WWC1: variants seen among roughly 807,000 people sequenced by gnomAD.
WWC1 encodes WW and C2 domain containing 1, also known as protein KIBRA.
Under a neutral mutation model 138.4 loss-of-function variants are expected in WWC1, and 55 were observed. The observed-to-expected ratio is 0.40, with a 90% CI of 0.32 to 0.50. The LOEUF is 0.50. WWC1 is among the 20% of genes least tolerant of loss of function. The pLI, the probability that WWC1 is intolerant of heterozygous loss-of-function variation, is 0.72. For synonymous variants in WWC1, 524 were observed against 564.9 expected, an observed-to-expected ratio of 0.93 and a Z score of 1.03; for missense variants, 1,226 against 1,420.4, an observed-to-expected ratio of 0.86 and a Z score of 2.20.
intron 19 of WWC1, among the ~76,000 whole-genome samples, chr5:168,455,922 A>C (rs957028072): frequency 6.6e-6 from 1 of 151,830 alleles, no homozygotes; most frequent in African/African-American, 2.4e-5. Flanking sequence ...ATCTGGTACC[A>C]GTTTGTTTTG....
Position 168,371,530 on chromosome 5 carries a change from A to G in WWC1, c.226A>G (p.Thr76Ala), listed in dbSNP as rs151162957. 3 of 1,612,246 alleles carry G rather than the reference A, an allele frequency of 1.9e-6. No homozygotes were observed. The African/African-American group carries it at 4.0e-5, about 22-fold the overall frequency. Residue 76 changes from threonine to alanine, a missense_variant, in exon 2 of 23, where the codon ACC (threonine) becomes GCC (alanine). This residue lies in a region of WWC1 where 1,016 missense variants were observed against 1,153.9 expected (regional missense o/e 0.88). Coordinates refer to ENST00000265293, the MANE Select transcript of WWC1 (RefSeq NM_015238.3). ...TGGAGATTACTTCATAGACCACAAC[A>G]CCAGTAAGTTCCCGACGGTCCTCCC... ...QVGDYFIDHN[T>A]KTTQIEDPRV... is the part of the protein sequence containing the mutation.
chr5:168,312,229 A>G (rs1251067892), intron 1 of WWC1, among the ~76,000 whole-genome samples: 1 of 149,444 alleles, frequency 6.7e-6, no homozygotes, highest in Non-Finnish European at 1.5e-5. Context: ...AAAAAAAAAA[A>G]GGAACAATAA....
intron 1 of WWC1, among the ~76,000 whole-genome samples, chr5:168,317,146 G>A (rs987464715): frequency 6.6e-6 from 1 of 152,078 alleles, no homozygotes; most frequent in Non-Finnish European, 1.5e-5. Flanking sequence ...GGAACTTACC[G>A]AGGTCACACA....
intron 1 of WWC1, among the ~76,000 whole-genome samples, chr5:168,294,937 G>T (rs115537101): frequency 0.02 from 2,993 of 152,222 alleles, 89 homozygotes; most frequent in African/African-American, 0.067. Context: ...TGGGTCACTG[G>T]TTTATAAACT....
At chr5:168,467,279 C>T (rs1055026476) in intron 21 of WWC1, among the ~76,000 whole-genome samples, 1 of 152,062 alleles carries the variant, frequency 6.6e-6, no homozygotes, top group African/African-American at 2.4e-5. Context: ...ACAAAAAAAA[C>T]GATGGCTTTA....
At chr5:168,377,912 G>A (rs1215161962) in intron 2 of WWC1, among the ~76,000 whole-genome samples, 2 of 152,178 alleles carry the variant, frequency 1.3e-5, no homozygotes, top group African/African-American at 4.8e-5. Context: ...CAACCCAGCA[G>A]TCCTATTACT....
At chr5:168,299,626 A>G (rs1468366232) in intron 1 of WWC1, among the ~76,000 whole-genome samples, 1 of 152,054 alleles carries the variant, frequency 6.6e-6, no homozygotes, top group Non-Finnish European at 1.5e-5. Flanking sequence ...CCAATTTTCC[A>G]ATTCCCTGGG....
chr5:168,379,008 T>A (rs1295648406), intron 2 of WWC1, among the ~76,000 whole-genome samples: 1 of 152,090 alleles, frequency 6.6e-6, no homozygotes, highest in Admixed American at 6.6e-5. Context: ...CCATGTGTGC[T>A]GTGTGGAGAA....
chr5:168,433,200 G>A (rs762036022), intron 15 of WWC1, among the ~76,000 whole-genome samples: 2 of 152,244 alleles, frequency 1.3e-5, no homozygotes, highest in Non-Finnish European at 2.9e-5. Flanking sequence ...CGCTGAAGCA[G>A]CGCTTCAAAC....
At chr5:168,431,586 A>G (rs1042688911) in intron 15 of WWC1, 142 bp downstream of exon 15, 58 of 925,350 alleles carry the variant, frequency 6.3e-5, no homozygotes, top group Non-Finnish European at 7.6e-5. Context: ...TGTGCTATCA[A>G]TCAGGCTCAT....
chr5:168,344,315 G>A (rs192523480), intron 1 of WWC1, among the ~76,000 whole-genome samples: 1 of 152,304 alleles, frequency 6.6e-6, no homozygotes, highest in Non-Finnish European at 1.5e-5. Flanking sequence ...GCTTGAGAGA[G>A]TTGGGTAGCC....
chr5:168,394,075 A>C (rs1034978064), intron 3 of WWC1, among the ~76,000 whole-genome samples: 3 of 152,078 alleles, frequency 2.0e-5, no homozygotes, highest in African/African-American at 4.8e-5. Context: ...GATGACGGGG[A>C]GATGGGAGAG....
At chr5:168,293,747 C>T (rs940087180) in intron 1 of WWC1, among the ~76,000 whole-genome samples, 13 of 152,174 alleles carry the variant, frequency 8.5e-5, no homozygotes, top group African/African-American at 2.2e-4. Context: ...TTGGAAGGGA[C>T]GTACATCAGC....
At chr5:168,443,971 T>C (rs960424346) in intron 16 of WWC1, among the ~76,000 whole-genome samples, 4 of 152,204 alleles carry the variant, frequency 2.6e-5, no homozygotes, top group African/African-American at 9.6e-5. Flanking sequence ...TCAGAGAGTT[T>C]AAATAATTTC....
chr5:168,449,838 G>A (rs1189558096), intron 17 of WWC1, among the ~76,000 whole-genome samples: 2 of 152,072 alleles, frequency 1.3e-5, no homozygotes, highest in African/African-American at 2.4e-5. Flanking sequence ...GCCTCCCAAA[G>A]TGCTGGGATT....
At chr5:168,331,380 T>C (rs1451368403) in intron 1 of WWC1, among the ~76,000 whole-genome samples, 1 of 152,232 alleles carries the variant, frequency 6.6e-6, no homozygotes, top group Non-Finnish European at 1.5e-5. Context: ...GGTTTTGAAA[T>C]AGCTGCTTCT....
chr5:168,446,622 A>G (rs1015114975), intron 17 of WWC1, among the ~76,000 whole-genome samples: 16 of 152,342 alleles, frequency 1.1e-4, no homozygotes, highest in Admixed American at 1.0e-3. Context: ...GCAGAATGTG[A>G]CGAGCACCAC....
At chr5:168,462,540 G>C (rs1278647259) in intron 20 of WWC1, among the ~76,000 whole-genome samples, 2 of 152,230 alleles carry the variant, frequency 1.3e-5, no homozygotes, top group Non-Finnish European at 2.9e-5. Flanking sequence ...TTCTGGAGCA[G>C]ATGTTCATGG....
intron 3 of WWC1, among the ~76,000 whole-genome samples, chr5:168,394,503 A>G (rs1778743295): frequency 6.6e-6 from 1 of 152,160 alleles, no homozygotes; most frequent in Admixed American, 6.5e-5. Flanking sequence ...AGGCGGGTGG[A>G]CCACTTGAGG....
Sources: allele counts gnomAD v4.1 joint callset (sites outside exome capture counted in the v4.1 genomes callset), GRCh38; gene constraint gnomAD v4.1.1; regional missense constraint gnomAD v4.1.1; transcripts MANE v1.5; gene names NCBI Gene and HGNC (gene_info 2026-07-23, HGNC 2026-07-21).